C11orf65: variants seen among roughly 807,000 people sequenced by gnomAD.
C11orf65 encodes the protein chromosome 11 open reading frame 65, also known as protein MFI.
In C11orf65, 38 loss-of-function variants were observed where a neutral mutation model predicts 35.3. The ratio of observed to expected loss-of-function variants is 1.08; its 90% CI spans 0.83 to 1.41. The LOEUF (loss-of-function observed/expected upper bound fraction) is 1.41. Ranked by LOEUF, C11orf65 falls within the 40% of genes most tolerant of loss-of-function variation. The pLI is 0.00. For synonymous variants in C11orf65, 105 were observed against 114.4 expected, an observed-to-expected ratio of 0.92 and a Z score of 0.53; for missense variants, 370 against 367.1, an observed-to-expected ratio of 1.01 and a Z score of -0.06.
intron 2 of C11orf65, among the ~76,000 whole-genome samples, chr11:108,448,250 T>C (rs998741597): frequency 5.3e-5 from 8 of 152,058 alleles, no homozygotes; most frequent in African/African-American, 9.7e-5. Context: ...TTCCAATCAA[T>C]AGAAAAAGAG....
Position 108,347,470 on chromosome 11 carries a change from G to A in C11orf65, c.227-12178C>T, listed in dbSNP as rs1238723143. ...TACAAATATAAGAGACAGATAAATT[G>A]AAGCAGTAAATATTGGGTTTTTTTG... is the stretch of plus-strand genomic sequence containing the variant. On this transcript the variant is annotated intron_variant, in intron 2 of 3. Coordinates refer to the C11orf65 transcript ENST00000524755. The A allele has an allele frequency of 1.5e-5, 14 of 944,320 alleles. No homozygotes were observed. The East Asian group carries it at 2.6e-4, about 17-fold the overall frequency. The allele number at this position is 944,320 out of a possible 1,614,324, so 58.5% of individuals were successfully genotyped here.
intron 2 of C11orf65, among the ~76,000 whole-genome samples, chr11:108,371,534 G>A (rs2091576087): frequency 6.6e-6 from 1 of 152,128 alleles, no homozygotes; most frequent in African/African-American, 2.4e-5. Flanking sequence ...TGTCCTCAAG[G>A]TTCGTCTATG....
Position 108,366,396 on chromosome 11 carries a change from G to GT in C11orf65, c.226+26811dup, listed in dbSNP as rs200629108. 1,151 of 216,464 alleles carry GT rather than the reference G, an allele frequency of 5.3e-3. 17 individuals carry two copies. Among genetic ancestry groups the GT allele is most frequent in the African/African-American group, 0.023 (1,027 of 44,408 alleles). The allele number at this position is 216,464 out of a possible 1,614,324, so 13.4% of individuals were successfully genotyped here. A position where few individuals can be genotyped will look rare whatever the true frequency, so the allele number is the denominator to read the frequency against. ...TCTGTTTCTTGATGTCATTTTTAATGTTTTTTTAATGTTTTTTATGTCACT... is the reference window on the plus strand; with the variant it reads ...TCTGTTTCTTGATGTCATTTTTAATGTTTTTTTTAATGTTTTTTATGTCACT... On this transcript the variant is annotated intron_variant, in intron 2 of 3. Coordinates refer to the C11orf65 transcript ENST00000524755.
Position 108,403,434 on chromosome 11 carries a change from TA to T in C11orf65, c.560+1994del, listed in dbSNP as rs2092479446. 6.5e-3 allele frequency among the ~76,000 whole-genome samples: 948 copies of T among 145,602 alleles called. 16 individuals carry two copies. Among genetic ancestry groups the T allele is most frequent in the African/African-American group, 0.023 (896 of 38,944 alleles). Reference sequence around the variant, plus strand: ...GTTTTTTTTTTGTTTTTTTTTTTTTTACATATTCTTGATTCAAGAACTTTGT... The same window carrying T: ...GTTTTTTTTTTGTTTTTTTTTTTTTTCATATTCTTGATTCAAGAACTTTGT... On this transcript the variant is annotated intron_variant, in intron 6 of 8. Coordinates refer to ENST00000393084, the MANE Select transcript of C11orf65 (RefSeq NM_152587.5).
chr11:108,348,463 T>C (rs1371653078), intron 2 of C11orf65, among the ~76,000 whole-genome samples: 1 of 151,352 alleles, frequency 6.6e-6, no homozygotes, highest in Non-Finnish European at 1.5e-5. Flanking sequence ...CTAAGAAATA[T>C]ATCAAGTTTT....
chr11:108,399,486 T>C (rs771846870), intron 6 of C11orf65, among the ~76,000 whole-genome samples: 27 of 152,180 alleles, frequency 1.8e-4, no homozygotes, highest in Non-Finnish European at 2.9e-4. Context: ...AACCGAGGAA[T>C]TGAAATCATT....
At chr11:108,417,815 T>C (rs1156950460) in intron 3 of C11orf65, among the ~76,000 whole-genome samples, 1 of 152,014 alleles carries the variant, frequency 6.6e-6, no homozygotes, top group Non-Finnish European at 1.5e-5. Flanking sequence ...ATACCTAATG[T>C]AGATGATGGG....
intron 2 of C11orf65, among the ~76,000 whole-genome samples, chr11:108,363,829 GTAATT>G (rs1463046169): frequency 6.6e-6 from 1 of 152,132 alleles, no homozygotes. Flanking sequence ...TGGTTTTGAA[GTAATT>G]TAGATTTTTC....
intron 2 of C11orf65, among the ~76,000 whole-genome samples, chr11:108,446,617 G>C (rs1027847932): frequency 1.1e-4 from 17 of 152,036 alleles, no homozygotes; most frequent in African/African-American, 4.1e-4. Context: ...TGCCCTAAAA[G>C]AGCTCCTGAA....
At chr11:108,387,094 A>G (rs1213330532) in intron 7 of C11orf65, among the ~76,000 whole-genome samples, 1 of 151,400 alleles carries the variant, frequency 6.6e-6, no homozygotes, top group African/African-American at 2.4e-5. Context: ...AAAAAAAAAA[A>G]GAATTATCAT....
chr11:108,363,033 T>C (rs892385812), intron 2 of C11orf65, among the ~76,000 whole-genome samples: 1 of 152,156 alleles, frequency 6.6e-6, no homozygotes, highest in East Asian at 1.9e-4. Flanking sequence ...TTTACACTCA[T>C]CTACCTAATC....
intron 6 of C11orf65, among the ~76,000 whole-genome samples, chr11:108,310,541 A>T (rs538567858): frequency 2.0e-5 from 3 of 152,198 alleles, no homozygotes; most frequent in Non-Finnish European, 4.4e-5. Context: ...AATTTAACAG[A>T]TAGCAAATTC....
At chr11:108,337,851 A>G (rs1329124908) in intron 2 of C11orf65, among the ~76,000 whole-genome samples, 1 of 152,236 alleles carries the variant, frequency 6.6e-6, no homozygotes, top group Non-Finnish European at 1.5e-5. Context: ...CTATAGGAGC[A>G]CCTCCTGAAC....
intron 6 of C11orf65, among the ~76,000 whole-genome samples, chr11:108,313,473 G>T (rs1023089662): frequency 2.0e-5 from 3 of 151,984 alleles, no homozygotes; most frequent in African/African-American, 7.3e-5. Flanking sequence ...TAAACTTCAT[G>T]TTGCTAAGTC....
chr11:108,445,892 G>T (rs922189944), intron 2 of C11orf65, among the ~76,000 whole-genome samples: 3 of 152,100 alleles, frequency 2.0e-5, no homozygotes, highest in Admixed American at 2.0e-4. Flanking sequence ...TTAGACGAAT[G>T]GATAACTAGA....
intron 2 of C11orf65, among the ~76,000 whole-genome samples, chr11:108,364,411 T>G (rs907486669): frequency 1.3e-5 from 2 of 152,146 alleles, no homozygotes; most frequent in Non-Finnish European, 2.9e-5. Context: ...TTTCTAAAAT[T>G]TACGACCTAA....
At chr11:108,465,724 C>A (rs1277918806) in intron 1 of C11orf65, among the ~76,000 whole-genome samples, 1 of 151,610 alleles carries the variant, frequency 6.6e-6, no homozygotes, top group African/African-American at 2.4e-5. Context: ...GTGGCTCACG[C>A]CTGTAATCCC....
chr11:108,319,963 A>T lies in C11orf65; in HGVS notation c.641-10892T>A, dbSNP rs1060504295. ...TTGACTTATCTCACAGCAAAGAAGT[A>T]GAAGGAACCAGTTACCATGAATCAT... On this transcript the variant is annotated intron_variant, in intron 6 of 6. Transcript: ENST00000525729. 5.0e-6 allele frequency: 8 copies of T among 1,609,420 alleles called. No homozygotes were observed. Among genetic ancestry groups the T allele is most frequent in the Non-Finnish European group, 6.0e-6 (7 of 1,175,956 alleles).
In C11orf65 at chr11:108,353,791, C is replaced by G. The variant is rs1333079704; in HGVS notation, c.227-18499G>C. 2 of 1,614,042 alleles carry G rather than the reference C, an allele frequency of 1.2e-6. No homozygotes were observed. The highest frequency in any genetic ancestry group is 8.5e-7 in the Non-Finnish European group (1 of 1,179,954). ...GTGTTGCTTTTGAACAGGGCAAAAT[C>G]CTTCCTACTCCTGAGACAGTTCCTT... On this transcript the variant is annotated intron_variant, in intron 2 of 3. Coordinates refer to the C11orf65 transcript ENST00000524755.
Sources: gnomAD v4.1 joint callset for allele counts (sites outside exome capture counted in the v4.1 genomes callset) on GRCh38, gnomAD v4.1.1 for gene constraint, MANE v1.5 for transcripts, NCBI Gene and HGNC (gene_info 2026-07-23, HGNC 2026-07-21) for gene names.